The following STARD3NL variants were observed in gnomAD, a reference collection of about 807,000 sequenced individuals.
STARD3NL encodes the protein STARD3 N-terminal-like protein.
In STARD3NL, 17 loss-of-function variants were observed where a neutral mutation model predicts 30.9. The ratio of observed to expected loss-of-function variants is 0.55; its 90% CI spans 0.38 to 0.82. STARD3NL has a LOEUF of 0.82. Ranked by LOEUF, STARD3NL falls within the 40% of genes least tolerant of loss-of-function variation. STARD3NL has a pLI of 0.00. For synonymous variants in STARD3NL, 112 were observed against 100.5 expected, an observed-to-expected ratio of 1.11 and a Z score of -0.69; for missense variants, 234 against 277.6, an observed-to-expected ratio of 0.84 and a Z score of 1.12.
intron 1 of STARD3NL, among the ~76,000 whole-genome samples, chr7:38,179,387 G>T (rs747156710): frequency 3.3e-5 from 5 of 152,196 alleles, no homozygotes; most frequent in Non-Finnish European, 5.9e-5. Context: ...TTGTCGTGTA[G>T]AAGTCACTGT....
At chr7:38,217,430 T>C (rs1786188125) in intron 6 of STARD3NL, 125 bp downstream of exon 6, 1 of 812,946 alleles carries the variant, frequency 1.2e-6, no homozygotes, top group African/African-American at 1.7e-5. Context: ...GGGTCTTCAT[T>C]CTTTAGTGGC....
intron 1 of STARD3NL, among the ~76,000 whole-genome samples, chr7:38,180,845 A>T (rs1320528773): frequency 2.0e-5 from 3 of 152,240 alleles, no homozygotes; most frequent in African/African-American, 7.2e-5. Context: ...AGAGAAGGTC[A>T]GTGAGTTTTA....
chr7:38,229,946 C>A lies in STARD3NL; in HGVS notation c.*41C>A, dbSNP rs1236767286. 6 of 152,556 alleles carry A rather than the reference C, an allele frequency of 3.9e-5. No individual in the cohort carries two copies. Among genetic ancestry groups the A allele is most frequent in the Non-Finnish European group, 8.8e-5 (6 of 68,036 alleles). The allele number at this position is 152,556 out of a possible 1,614,324, so 9.5% of individuals were successfully genotyped here. ...AGTGTGAAAAACCCTCACAGAAAGT[C>A]ATCGAGGCAAAAAGAGGCAGGCAGT... On this transcript the variant is annotated 3_prime_UTR_variant, in exon 9 of 9. Transcript: ENST00000009041.
intron 7 of STARD3NL, among the ~76,000 whole-genome samples, chr7:38,228,345 A>G (rs953361722): frequency 6.6e-6 from 1 of 152,168 alleles, no homozygotes; most frequent in Non-Finnish European, 1.5e-5. Context: ...TGAGACATTG[A>G]TCCAGAAGGG....
intron 1 of STARD3NL, among the ~76,000 whole-genome samples, chr7:38,207,065 G>A (rs1286689652): frequency 6.6e-6 from 1 of 152,104 alleles, no homozygotes; most frequent in Non-Finnish European, 1.5e-5. Context: ...TGATTTTCTA[G>A]CCCATGCACA....
chr7:38,182,622 G>T (rs1784295522), intron 1 of STARD3NL, among the ~76,000 whole-genome samples: 1 of 152,134 alleles, frequency 6.6e-6, no homozygotes, highest in Non-Finnish European at 1.5e-5. Flanking sequence ...GGCCTTTCCA[G>T]TTGTTTTGCT....
chr7:38,193,790 G>A (rs1252257528), intron 1 of STARD3NL, among the ~76,000 whole-genome samples: 2 of 152,032 alleles, frequency 1.3e-5, no homozygotes. Flanking sequence ...GTTAATATAT[G>A]ATATACAATG....
intron 5 of STARD3NL, 51 bp downstream of exon 5, chr7:38,217,129 T>C (rs1459382451): frequency 6.2e-7 from 1 of 1,613,600 alleles, no homozygotes; most frequent in South Asian, 1.1e-5. Context: ...TGATGAAGCC[T>C]CGTTTTTCAG....
Position 38,228,788 on chromosome 7 carries a change from C to T in STARD3NL, c.650-11C>T. ...AAATACTTTTTCTTTGTCCCCTTCT[C>T]CACCACGTAGGATCTGAAGAAGCTG... On this transcript the variant is annotated splice_polypyrimidine_tract_variant and intron_variant, in intron 7 of 8. Coordinates refer to ENST00000009041, the MANE Select transcript of STARD3NL (RefSeq NM_032016.4). 1 of 1,609,884 alleles carries T rather than the reference C, an allele frequency of 6.2e-7. No individual in the cohort carries two copies. The highest frequency in any genetic ancestry group is 8.5e-7 in the Non-Finnish European group (1 of 1,177,320).
intron 1 of STARD3NL, among the ~76,000 whole-genome samples, chr7:38,207,041 A>G (rs1785525924): frequency 6.6e-6 from 1 of 152,180 alleles, no homozygotes; most frequent in African/African-American, 2.4e-5. Context: ...TGCTCCAGGA[A>G]AGCATTCAGT....
chr7:38,220,622 A>C (rs1454864300), intron 7 of STARD3NL, among the ~76,000 whole-genome samples: 1 of 152,230 alleles, frequency 6.6e-6, no homozygotes, highest in African/African-American at 2.4e-5. Flanking sequence ...CATATGATTC[A>C]ACACTTCTAC....
chr7:38,216,815 C>A, intron 4 of STARD3NL: 3 of 576,554 alleles, frequency 5.2e-6, no homozygotes, highest in Non-Finnish European at 9.3e-6. Flanking sequence ...CACACACAGT[C>A]ATTTAGGGAT....
At position 38,207,483 on chromosome 7, in the gene STARD3NL, G is replaced by T. The variant is rs1425877796; in HGVS notation, c.-22G>T. 6.2e-7 allele frequency: 1 copy of T among 1,607,512 alleles called. No individual in the cohort carries two copies. The highest frequency in any genetic ancestry group is 1.7e-5 in the Admixed American group (1 of 59,506). ...TTAGGGATGGTGAGGTTGGAAAAAG[G>T]CTCCTGTAACCCTCCTCCAGGATGA... On this transcript the variant is annotated 5_prime_UTR_variant, in exon 2 of 9. Transcript: ENST00000009041.
At chr7:38,219,790 A>C (rs1786346361) in intron 7 of STARD3NL, 130 bp downstream of exon 7, 2 of 685,886 alleles carry the variant, frequency 2.9e-6, no homozygotes, top group Non-Finnish European at 5.1e-6. Context: ...TAGGGATATG[A>C]AAATAGGTGA....
chr7:38,209,032 G>A (rs779640828), intron 2 of STARD3NL, among the ~76,000 whole-genome samples: 3 of 152,106 alleles, frequency 2.0e-5, no homozygotes, highest in Admixed American at 6.5e-5. Context: ...TAATCACAGT[G>A]ACATGGAACA....
chr7:38,214,791 A>T (rs1244490148), intron 3 of STARD3NL, among the ~76,000 whole-genome samples: 1 of 152,182 alleles, frequency 6.6e-6, no homozygotes, highest in Non-Finnish European at 1.5e-5. Context: ...TGAAAATGAC[A>T]TCTTTTTTTT....
rs1406206488 is a variant in STARD3NL, at chr7:38,214,274, G to C, written c.226-83G>C. 4.6e-6 allele frequency: 4 copies of C among 869,182 alleles called. No homozygotes were observed. The Admixed American group carries it at 6.7e-5, about 15-fold the overall frequency. 53.8% of individuals were successfully genotyped at this position (869,182 alleles called of 1,614,324 possible). On this transcript the variant is annotated intron_variant, in intron 2 of 8. Transcript: ENST00000009041. ...TTTCTGGGTTCTGAGAAGATAGGCA[G>C]GAAAGTTGGATAGGAAATCTTACCT... is the stretch of plus-strand genomic sequence containing the variant.
chr7:38,206,604 G>T (rs1198521498), intron 1 of STARD3NL, among the ~76,000 whole-genome samples: 1 of 152,158 alleles, frequency 6.6e-6, no homozygotes, highest in East Asian at 1.9e-4. Flanking sequence ...TGGTCAGGTG[G>T]TTTGCATAGT....
intron 1 of STARD3NL, among the ~76,000 whole-genome samples, chr7:38,195,784 C>G (rs1784874513): frequency 6.6e-6 from 1 of 152,162 alleles, no homozygotes; most frequent in South Asian, 2.1e-4. Flanking sequence ...AATAGCTATC[C>G]ATCATTTAGA....
Sources: gnomAD v4.1 joint callset for allele counts (sites outside exome capture counted in the v4.1 genomes callset) on GRCh38, gnomAD v4.1.1 for gene constraint, MANE v1.5 for transcripts, NCBI Gene and HGNC (gene_info 2026-07-23, HGNC 2026-07-21) for gene names.